CRACR2A: variants seen among roughly 807,000 people sequenced by gnomAD.
The protein encoded by CRACR2A is EF-hand calcium-binding domain-containing protein 4B.
A neutral mutation model predicts 90.5 loss-of-function variants in CRACR2A; 79 were observed. That is an observed-to-expected ratio of 0.87 (90% CI 0.73 to 1.05). The LOEUF (loss-of-function observed/expected upper bound fraction) is 1.05. CRACR2A is among the 50% of genes least tolerant of loss of function. The pLI is 0.00. For missense variants in CRACR2A, 823 were observed against 897.2 expected (o/e 0.92, Z 1.06); for synonymous variants, 338 against 356.7 (o/e 0.95, Z 0.59).
intron 4 of CRACR2A, among the ~76,000 whole-genome samples, chr12:3,693,989 G>C (rs1040377911): frequency 6.6e-6 from 1 of 152,176 alleles, no homozygotes; most frequent in Non-Finnish European, 1.5e-5. Flanking sequence ...GGCCCGTGGA[G>C]AGAGTGGGTT....
intron 18 of CRACR2A, among the ~76,000 whole-genome samples, chr12:3,617,760 C>T (rs1382245065): frequency 1.3e-5 from 2 of 152,134 alleles, no homozygotes; most frequent in African/African-American, 4.8e-5. Flanking sequence ...GGCACAGGGC[C>T]CTGGCTTTTA....
chr12:3,686,526 A>T (rs1188881633), intron 4 of CRACR2A, among the ~76,000 whole-genome samples: 1 of 152,116 alleles, frequency 6.6e-6, no homozygotes, highest in Non-Finnish European at 1.5e-5. Context: ...TCAGGGAAAC[A>T]GGGCTTTTGA....
At chr12:3,748,417 A>T (rs1946656256) in intron 1 of CRACR2A, among the ~76,000 whole-genome samples, 1 of 152,184 alleles carries the variant, frequency 6.6e-6, no homozygotes, top group Non-Finnish European at 1.5e-5. Flanking sequence ...ATGTGTCAAC[A>T]AACAGACAAG....
chr12:3,687,528 T>C (rs956094120), intron 4 of CRACR2A, among the ~76,000 whole-genome samples: 8 of 152,238 alleles, frequency 5.3e-5, no homozygotes, highest in African/African-American at 1.9e-4. Flanking sequence ...AGATATGATC[T>C]TGTTCTTTTT....
intron 2 of CRACR2A, chr12:3,732,529 C>T (rs241964): frequency 0.57 from 87,041 of 152,244 alleles, 26,388 homozygotes; most frequent in East Asian, 0.71. Flanking sequence ...TGTCAGGCTA[C>T]TAGACAATTT....
chr12:3,630,257 C>G (rs1402901911), intron 15 of CRACR2A, among the ~76,000 whole-genome samples: 1 of 152,174 alleles, frequency 6.6e-6, no homozygotes, highest in Non-Finnish European at 1.5e-5. Context: ...TCAGGAGCCT[C>G]CTGGCACCTT....
At chr12:3,656,622 G>A (rs1262166910) in intron 8 of CRACR2A, among the ~76,000 whole-genome samples, 1 of 152,168 alleles carries the variant, frequency 6.6e-6, no homozygotes, top group Non-Finnish European at 1.5e-5. Context: ...GAGGCAGGAT[G>A]CAAACTCCCA....
intron 8 of CRACR2A, 101 bp from the exon 9 acceptor site, chr12:3,656,507 T>G: frequency 1.9e-5 from 19 of 991,326 alleles, no homozygotes; most frequent in Middle Eastern, 2.1e-4. Flanking sequence ...TCAGGGCCCA[T>G]CCTATTAGAC....
intron 4 of CRACR2A, among the ~76,000 whole-genome samples, chr12:3,686,169 T>C (rs1009239707): frequency 1.3e-5 from 2 of 152,238 alleles, no homozygotes; most frequent in Non-Finnish European, 2.9e-5. Context: ...GTTAATTTAC[T>C]ATAAAAATCT....
At chr12:3,680,513 C>T (rs1945428404) in intron 4 of CRACR2A, among the ~76,000 whole-genome samples, 164 bp from the exon 5 acceptor site, 1 of 152,206 alleles carries the variant, frequency 6.6e-6, no homozygotes, top group African/African-American at 2.4e-5. Context: ...TCCCTCTCCT[C>T]CTTTGCATGT....
intron 7 of CRACR2A, among the ~76,000 whole-genome samples, chr12:3,670,893 T>A (rs1236939120): frequency 6.6e-6 from 1 of 152,114 alleles, no homozygotes; most frequent in Non-Finnish European, 1.5e-5. Context: ...CACAGTTCCC[T>A]AGCAGGGAGT....
chr12:3,697,129 T>C, intron 3 of CRACR2A, 94 bp from the exon 4 acceptor site: 1 of 1,398,358 alleles, frequency 7.2e-7, no homozygotes, highest in African/African-American at 1.4e-5. Flanking sequence ...CACAGAGCCA[T>C]ACACCAGTGT....
At chr12:3,668,276 T>A (rs1264565654) in intron 7 of CRACR2A, among the ~76,000 whole-genome samples, 1 of 152,190 alleles carries the variant, frequency 6.6e-6, no homozygotes, top group Non-Finnish European at 1.5e-5. Context: ...ATATACCTTT[T>A]GCTGGCTGAC....
At chr12:3,639,936 TTTACTC>T (rs1405924180) in intron 13 of CRACR2A, among the ~76,000 whole-genome samples, 2 of 152,154 alleles carry the variant, frequency 1.3e-5, no homozygotes, top group Admixed American at 1.3e-4. Flanking sequence ...CCCATCTACT[TTTACTC>T]TGCTTACACA....
intron 2 of CRACR2A, among the ~76,000 whole-genome samples, chr12:3,715,364 G>A (rs1946068472): frequency 2.0e-5 from 3 of 152,242 alleles, no homozygotes; most frequent in Admixed American, 2.0e-4. Flanking sequence ...ACCAAGGTAA[G>A]TAAGACAGCT....
chr12:3,726,674 C>T, intron 2 of CRACR2A: 1 of 151,962 alleles, frequency 6.6e-6, no homozygotes, highest in Admixed American at 6.6e-5. Flanking sequence ...AGCACAGGAT[C>T]CTGTCTCGTG....
At position 3,637,417 on chromosome 12, in the gene CRACR2A, C is replaced by T. The variant is rs563493255; in HGVS notation, c.1602+707G>A. Among the ~76,000 whole-genome samples the T allele has an allele frequency of 5.3e-5, 8 of 152,264 alleles. No individual in the cohort carries two copies. The East Asian group carries it at 1.4e-3, about 26-fold the overall frequency. ...ACAGGGTCGGGAAGGGGGCAAACAA[C>T]GGTGGGATGTGATGAGGTTTCTCTT... On this transcript the variant is annotated intron_variant, in intron 14 of 19. Transcript: ENST00000440314.
chr12:3,727,702 G>A (rs1194924651), intron 2 of CRACR2A: 2 of 152,090 alleles, frequency 1.3e-5, no homozygotes, highest in African/African-American at 2.4e-5. Context: ...GAAAGTGTGA[G>A]AGGCATTACT....
intron 14 of CRACR2A, among the ~76,000 whole-genome samples, chr12:3,634,365 C>A (rs572010341): frequency 7.2e-5 from 11 of 152,128 alleles, no homozygotes; most frequent in Non-Finnish European, 1.3e-4. Flanking sequence ...AACTGAGGCA[C>A]GAGGGTCTCC....
Sources: allele counts gnomAD v4.1 joint callset (sites outside exome capture counted in the v4.1 genomes callset), GRCh38; gene constraint gnomAD v4.1.1; transcripts MANE v1.5; gene names NCBI Gene and HGNC (gene_info 2026-07-23, HGNC 2026-07-21).